XKR9: variants seen among roughly 807,000 people sequenced by gnomAD.
XKR9 encodes XK related 9, also known as XK-related protein 9.
In XKR9, 32 loss-of-function variants were observed where a neutral mutation model predicts 32.0. That is an observed-to-expected ratio of 1.00 (90% CI 0.76 to 1.34). The LOEUF (loss-of-function observed/expected upper bound fraction) is 1.34. XKR9 is among the 40% of genes most tolerant of loss of function. The pLI is 0.00. For missense variants in XKR9, 546 were observed against 429.7 expected (o/e 1.27, Z -2.39); for synonymous variants, 168 against 143.4 (o/e 1.17, Z -1.22).
chr8:70,922,300 G>A, the XKR9 span, among the ~76,000 whole-genome samples: 1 of 152,112 alleles, frequency 6.6e-6, no homozygotes, highest in East Asian at 1.9e-4. Context: ...ATTTAGAAGC[G>A]CCACTCAAAA....
chr8:70,943,205 C>T, the XKR9 span, among the ~76,000 whole-genome samples: 1 of 152,110 alleles, frequency 6.6e-6, no homozygotes, highest in African/African-American at 2.4e-5. Flanking sequence ...ATCATTCATT[C>T]ATTGAAGTGT....
the XKR9 span, among the ~76,000 whole-genome samples, chr8:70,950,864 G>A: frequency 6.6e-6 from 1 of 152,122 alleles, no homozygotes; most frequent in Non-Finnish European, 1.5e-5. Context: ...AGTAGAGATG[G>A]AGTTTCACCA....
In XKR9 at chr8:70,734,176, A is replaced by G. The variant is rs1173153391; in HGVS notation, c.874A>G (p.Ile292Val). 6.2e-7 allele frequency: 1 copy of G among 1,613,380 alleles called. No homozygotes were observed. The highest frequency in any genetic ancestry group is 2.2e-5 in the East Asian group (1 of 44,822). The part of the protein sequence containing the change: ...NTKCPMSCYY[I>V]VRVLGTLGIL... Reference sequence around the variant, plus strand: ...CAAGTGTCCAATGTCTTGTTATTATATTGTTAGGGTACTGGGCACTTTGGG... The same window carrying G: ...CAAGTGTCCAATGTCTTGTTATTATGTTGTTAGGGTACTGGGCACTTTGGG... The change falls in exon 5 of 5, where the codon ATT (isoleucine) becomes GTT (valine). Residue 292 changes from isoleucine (I) to valine (V), a missense_variant. By Grantham distance (29) the Ile-to-Val change is conservative. Coordinates refer to ENST00000408926, the MANE Select transcript of XKR9 (RefSeq NM_001011720.2).
the XKR9 span, among the ~76,000 whole-genome samples, chr8:70,868,239 C>A: frequency 6.6e-6 from 1 of 152,170 alleles, no homozygotes; most frequent in Admixed American, 6.5e-5. Flanking sequence ...TCTCACAGTT[C>A]CACTAGGTGG....
the XKR9 span, among the ~76,000 whole-genome samples, chr8:70,831,885 A>G: frequency 6.6e-6 from 1 of 152,178 alleles, no homozygotes; most frequent in African/African-American, 2.4e-5. Flanking sequence ...TTCCTGCTGT[A>G]TCCTCCTGCT....
chr8:71,048,469 C>T, the XKR9 span, among the ~76,000 whole-genome samples: 1 of 152,072 alleles, frequency 6.6e-6, no homozygotes, highest in African/African-American at 2.4e-5. Flanking sequence ...TTCTATTAGA[C>T]ATATTTGCTT....
chr8:70,777,485 C>T (rs918876425), intron 2 of XKR9, among the ~76,000 whole-genome samples: 2 of 152,108 alleles, frequency 1.3e-5, no homozygotes, highest in African/African-American at 4.8e-5. Flanking sequence ...AATGGGATTG[C>T]TGGGTCAAAT....
chr8:70,799,673 GGT>G, the XKR9 span, among the ~76,000 whole-genome samples: 5 of 152,048 alleles, frequency 3.3e-5, no homozygotes, highest in African/African-American at 1.2e-4. Context: ...GGTTGTTGTT[GGT>G]GTATAGAAAT....
downstream of XKR9, among the ~76,000 whole-genome samples, chr8:70,740,307 T>G (rs1398678086): frequency 1.3e-5 from 2 of 152,306 alleles, no homozygotes; most frequent in East Asian, 3.9e-4. Context: ...GAGCCTTGGT[T>G]TTCAGCTCCA....
chr8:70,687,575 G>T (rs1819348437), intron 3 of XKR9, among the ~76,000 whole-genome samples: 1 of 151,798 alleles, frequency 6.6e-6, no homozygotes, highest in Non-Finnish European at 1.5e-5. Context: ...TCAGTATGTT[G>T]CCCAGGCTGG....
chr8:70,810,319 A>T, the XKR9 span, among the ~76,000 whole-genome samples: 3 of 152,194 alleles, frequency 2.0e-5, no homozygotes, highest in African/African-American at 4.8e-5. Context: ...ACAACCGGTA[A>T]CAGCCACTGC....
the XKR9 span, among the ~76,000 whole-genome samples, chr8:70,823,785 G>T: frequency 2.6e-5 from 4 of 152,124 alleles, no homozygotes; most frequent in Non-Finnish European, 5.9e-5. Flanking sequence ...GTGTCAGGGT[G>T]GGGGAATCAA....
chr8:70,716,674 T>C (rs1806101420), intron 4 of XKR9, among the ~76,000 whole-genome samples: 1 of 152,046 alleles, frequency 6.6e-6, no homozygotes, highest in African/African-American at 2.4e-5. Flanking sequence ...AAGATGAGAT[T>C]TGGGTGGGGA....
chr8:71,056,382 T>C, the XKR9 span, among the ~76,000 whole-genome samples: 1 of 152,170 alleles, frequency 6.6e-6, no homozygotes, highest in Non-Finnish European at 1.5e-5. Context: ...AATAAAAAAC[T>C]TCAGCATGGT....
At chr8:71,021,510 T>TA in the XKR9 span, among the ~76,000 whole-genome samples, 1 of 144,162 alleles carries the variant, frequency 6.9e-6, no homozygotes, top group Admixed American at 6.8e-5. Flanking sequence ...TTTTTTTTTT[T>TA]TTTTTTTTTT....
chr8:70,725,958 A>G (rs1297592417), intron 4 of XKR9, among the ~76,000 whole-genome samples: 1 of 152,134 alleles, frequency 6.6e-6, no homozygotes. Context: ...TGGAAAATGC[A>G]TATTATGAAA....
chr8:71,064,400 T>A, the XKR9 span, among the ~76,000 whole-genome samples: 2 of 152,142 alleles, frequency 1.3e-5, no homozygotes, highest in African/African-American at 4.8e-5. Context: ...ATATATTGAG[T>A]TTTTATGTTT....
the XKR9 span, among the ~76,000 whole-genome samples, chr8:70,946,082 C>T: frequency 6.6e-6 from 1 of 152,092 alleles, no homozygotes; most frequent in Admixed American, 6.6e-5. Flanking sequence ...TTGCAGTGAG[C>T]CGAGATCACG....
At position 70,734,069 on chromosome 8, in the gene XKR9, G is replaced by C; in HGVS notation, c.767G>C (p.Cys256Ser). The C allele has an allele frequency of 6.2e-7, 1 of 1,612,404 alleles. No individual in the cohort carries two copies. The highest frequency in any genetic ancestry group is 1.3e-5 in the African/African-American group (1 of 74,990). ...AAAAACAACACCCAGTTTTGTACTT[G>C]TATAAGTATGGAATTCTTATATAGG... ...AFKNNTQFCT[C>S]ISMEFLYRIV... The change falls in exon 5 of 5, where the codon TGT becomes TCT. Residue 256 changes from cysteine (C) to serine (S), a missense_variant. By Grantham distance (112) the Cys-to-Ser change is moderately radical. Transcript: ENST00000408926.
Sources: gnomAD v4.1 joint callset for allele counts (sites outside exome capture counted in the v4.1 genomes callset) on GRCh38, gnomAD v4.1.1 for gene constraint, MANE v1.5 for transcripts, NCBI Gene and HGNC (gene_info 2026-07-23, HGNC 2026-07-21) for gene names.